The following RAP1GAP variants were observed in gnomAD, a reference collection of about 807,000 sequenced individuals.
RAP1GAP encodes the protein rap1 GTPase-activating protein 1.
In RAP1GAP, 35 loss-of-function variants were observed where a neutral mutation model predicts 87.2. The observed-to-expected ratio is 0.40, with a 90% CI of 0.31 to 0.53. The LOEUF (loss-of-function observed/expected upper bound fraction) is 0.53. RAP1GAP is among the 20% of genes least tolerant of loss of function. The pLI, the probability that RAP1GAP is intolerant of heterozygous loss-of-function variation, is 0.48. For synonymous variants in RAP1GAP, 375 were observed against 363.9 expected (o/e 1.03, Z -0.35); for missense variants, 734 against 898.9 (o/e 0.82, Z 2.35).
intron 7 of RAP1GAP, among the ~76,000 whole-genome samples, chr1:21,616,905 T>C (rs546495532): frequency 2.0e-5 from 3 of 152,342 alleles, no homozygotes; most frequent in African/African-American, 7.2e-5. Flanking sequence ...ACCTTACAGA[T>C]ATCAGCTCAC....
intron 1 of RAP1GAP, among the ~76,000 whole-genome samples, chr1:21,656,311 C>G (rs115077467): frequency 6.6e-6 from 1 of 150,944 alleles, no homozygotes; most frequent in Admixed American, 6.6e-5. Flanking sequence ...CCCAGCTACT[C>G]AGGAGGCTGA....
At position 21,597,675 on chromosome 1, in the gene RAP1GAP, C is replaced by T. The variant is rs766677181; in HGVS notation, c.*34+11G>A. Reference sequence around the variant, plus strand: ...CTCCCACCAAACACAAGCTGAGGGGCTGGGTCTAACCTGCTCAGTTTCACC... The same window carrying T: ...CTCCCACCAAACACAAGCTGAGGGGTTGGGTCTAACCTGCTCAGTTTCACC... On this transcript the variant is annotated intron_variant, in intron 24 of 24. Coordinates refer to ENST00000374765, the MANE Select transcript of RAP1GAP (RefSeq NM_002885.4). 2 of 1,593,404 alleles carry T rather than the reference C, an allele frequency of 1.3e-6. No homozygotes were observed. Among genetic ancestry groups the T allele is most frequent in the Non-Finnish European group, 1.7e-6 (2 of 1,164,632 alleles).
rs2097509384 is a variant in RAP1GAP, at chr1:21,669,347, C to T, written c.-242G>A. On this transcript the variant is annotated 5_prime_UTR_variant, in exon 1 of 25. Coordinates refer to ENST00000374765, the MANE Select transcript of RAP1GAP (RefSeq NM_002885.4). This position sits in a 1 kb window ranked among gnomAD's most constrained non-coding sequence, Gnocchi z 5.6. ...CTCAGATGCGGCCGGCGCTCGCCGC[C>T]GCCGCAGTTCGGGGAGGGGGACGTC... 3 of 1,065,534 alleles carry T rather than the reference C, an allele frequency of 2.8e-6. No homozygotes were observed. Among genetic ancestry groups the T allele is most frequent in the African/African-American group, 1.7e-5 (1 of 57,602 alleles). 66.0% of individuals were successfully genotyped at this position (1,065,534 alleles called of 1,614,324 possible).
In RAP1GAP at chr1:21,609,066, T is replaced by C; in HGVS notation, c.1072-130A>G. ...TCTGCTGGGGCCTGGGGTCACCCTCTTCACTCCCAAAAGGGTATCTCCCTG... is the reference window on the plus strand; with the variant it reads ...TCTGCTGGGGCCTGGGGTCACCCTCCTCACTCCCAAAAGGGTATCTCCCTG... On this transcript the variant is annotated intron_variant, in intron 15 of 24. Coordinates refer to ENST00000374765, the MANE Select transcript of RAP1GAP (RefSeq NM_002885.4). This position sits in a 1 kb window ranked among gnomAD's most constrained non-coding sequence, Gnocchi z 4.4. 1 of 778,012 alleles carries C rather than the reference T, an allele frequency of 1.3e-6. No homozygotes were observed. The highest frequency in any genetic ancestry group is 2.6e-5 in the East Asian group (1 of 38,914). The allele number at this position is 778,012 out of a possible 1,614,324, so 48.2% of individuals were successfully genotyped here. A position where few individuals can be genotyped will look rare whatever the true frequency, so the allele number is the denominator to read the frequency against.
chr1:21,650,231 C>T (rs2096453934), intron 1 of RAP1GAP, among the ~76,000 whole-genome samples: 1 of 152,072 alleles, frequency 6.6e-6, no homozygotes, highest in Non-Finnish European at 1.5e-5. Flanking sequence ...ACCCCCAAGG[C>T]CCGTAGCCTG....
chr1:21,607,272 G>A (rs1002965939), intron 17 of RAP1GAP, among the ~76,000 whole-genome samples: 1 of 152,196 alleles, frequency 6.6e-6, no homozygotes, highest in African/African-American at 2.4e-5. Flanking sequence ...GACAACATTT[G>A]CTGAGGCAGA....
At chr1:21,616,431 G>A (rs2082206229) in intron 7 of RAP1GAP, among the ~76,000 whole-genome samples, 1 of 152,212 alleles carries the variant, frequency 6.6e-6, no homozygotes, top group Non-Finnish European at 1.5e-5. Flanking sequence ...TAGAAGCTTT[G>A]CGTGTACTTT....
At chr1:21,653,594 C>CCTTCTTTCCTTCCTTCCTT (rs1558897559) in intron 1 of RAP1GAP, among the ~76,000 whole-genome samples, 2,347 of 81,150 alleles carry the variant, frequency 0.029, 45 homozygotes, top group Non-Finnish European at 0.043. Context: ...CTTCCTTCCT[C>CCTTCTTTCCTTCCTTCCTT]CCTCCCTCCC....
chr1:21,660,574 T>C (rs1021450748), intron 1 of RAP1GAP, among the ~76,000 whole-genome samples: 1 of 151,456 alleles, frequency 6.6e-6, no homozygotes, highest in Admixed American at 6.6e-5. Context: ...CCTCAAGTGG[T>C]CCTCCCGCCT....
rs373203705 is a variant in RAP1GAP, at chr1:21,611,811, G to A, written c.618C>T (p.Ser206=). 23 of 1,610,688 alleles carry A rather than the reference G, an allele frequency of 1.4e-5. No homozygotes were observed. Among genetic ancestry groups the A allele is most frequent in the South Asian group, 1.2e-4 (11 of 91,016 alleles). Reference sequence around the variant, plus strand: ...CATTGGTGCTGAAGAGTTCTTCCTCGGAGGTCTGGGGATGAGGGGCCAAGG... The same window carrying A: ...CATTGGTGCTGAAGAGTTCTTCCTCAGAGGTCTGGGGATGAGGGGCCAAGG... The part of the protein sequence containing the change: ...GVIYQKLGQT[S]EEELFSTNEE... Residue 206 remains serine (S), a synonymous_variant, in exon 12 of 25, where the codon TCC becomes TCT. Coordinates refer to ENST00000374765, the MANE Select transcript of RAP1GAP (RefSeq NM_002885.4).
At chr1:21,657,690 C>T (rs1558914638) in intron 1 of RAP1GAP, among the ~76,000 whole-genome samples, 2 of 152,222 alleles carry the variant, frequency 1.3e-5, no homozygotes, top group Non-Finnish European at 2.9e-5. Context: ...CTGCTTGAGG[C>T]CCAGAGCTCC....
In RAP1GAP at chr1:21,603,647, G is replaced by A; in HGVS notation, c.1429-734C>T. The A allele has an allele frequency of 1.3e-6, 1 of 767,072 alleles. No homozygotes were observed. The highest frequency in any genetic ancestry group is 2.3e-6 in the Non-Finnish European group (1 of 425,558). The allele number at this position is 767,072 out of a possible 1,614,324, so 47.5% of individuals were successfully genotyped here. A position where few individuals can be genotyped will look rare whatever the true frequency, so the allele number is the denominator to read the frequency against. ...GCCCCTGGTGAGGGGCACTGGCTCTGGCACAGGTACCAGGCCCCAAAGCAG... is the reference window on the plus strand; with the variant it reads ...GCCCCTGGTGAGGGGCACTGGCTCTAGCACAGGTACCAGGCCCCAAAGCAG... On this transcript the variant is annotated intron_variant, in intron 18 of 24. Transcript: ENST00000374765. This position sits in a 1 kb window ranked among gnomAD's most constrained non-coding sequence, Gnocchi z 6.0.
At chr1:21,660,881 G>A (rs2097130826) in intron 1 of RAP1GAP, among the ~76,000 whole-genome samples, 1 of 152,104 alleles carries the variant, frequency 6.6e-6, no homozygotes, top group African/African-American at 2.4e-5. Flanking sequence ...ATTTACCCCA[G>A]GGGTAAATCA....
Position 21,611,822 on chromosome 1 carries a change from G to A in RAP1GAP, c.613-6C>T. 1.2e-6 allele frequency: 2 copies of A among 1,603,436 alleles called. No individual in the cohort carries two copies. The highest frequency in any genetic ancestry group is 1.7e-4 in the Middle Eastern group (1 of 6,028). On this transcript the variant is annotated splice_region_variant and splice_polypyrimidine_tract_variant and intron_variant, in intron 11 of 24. Coordinates refer to ENST00000374765, the MANE Select transcript of RAP1GAP (RefSeq NM_002885.4). The stretch of plus-strand genomic sequence containing the variant: ...AAGAGTTCTTCCTCGGAGGTCTGGG[G>A]ATGAGGGGCCAAGGTCATTGAGCTG...
At chr1:21,651,746 ACGCGCCCCGCCC>A (rs1558884973) in intron 1 of RAP1GAP, 1 of 1,397,748 alleles carries the variant, frequency 7.2e-7, no homozygotes, top group South Asian at 1.3e-5. Context: ...ACACGCGCGC[ACGCGCCCCGCCC>A]CGCGCCGCGC....
In RAP1GAP at chr1:21,602,826, T is replaced by C. The variant is rs1392062838; in HGVS notation, c.1516A>G (p.Ile506Val). Residue 506 changes from isoleucine (I) to valine (V), a missense_variant, in exon 19 of 25, where the codon ATA (isoleucine) becomes GTA (valine). Physicochemically the swap from Ile to Val is conservative, Grantham distance 29 (BLOSUM62 3). Transcript: ENST00000374765. ...RRSSAIGIENIQEVQEKRESP... is the reference protein window; with the variant it reads ...RRSSAIGIENVQEVQEKRESP... The stretch of plus-strand genomic sequence containing the variant: ...CACCTCTTCTCCTGCACCTCCTGTA[T>C]GTTCTCGATGCCAATGGCGCTGCTG... 7 of 1,609,752 alleles carry C rather than the reference T, an allele frequency of 4.3e-6. No individual in the cohort carries two copies. The Admixed American group carries it at 8.3e-5, about 19-fold the overall frequency.
intron 1 of RAP1GAP, among the ~76,000 whole-genome samples, chr1:21,661,817 T>G (rs1166579946): frequency 6.6e-6 from 1 of 152,254 alleles, no homozygotes; most frequent in East Asian, 1.9e-4. Flanking sequence ...GCTCACAATG[T>G]GACTGTGGGC....
chr1:21,651,677 G>T (rs2152001924), intron 1 of RAP1GAP: 1 of 1,208,290 alleles, frequency 8.3e-7, no homozygotes, highest in Non-Finnish European at 1.2e-6. Context: ...CATAGCCCAG[G>T]CCCACCCGCC....
intron 19 of RAP1GAP, among the ~76,000 whole-genome samples, chr1:21,602,287 G>A (rs535158620): frequency 6.6e-6 from 1 of 152,344 alleles, no homozygotes; most frequent in South Asian, 2.1e-4. Flanking sequence ...GGGACAGTAA[G>A]GCTCAGAGGA....
Sources: allele counts gnomAD v4.1 joint callset (sites outside exome capture counted in the v4.1 genomes callset), GRCh38; gene constraint gnomAD v4.1.1; non-coding constraint Gnocchi (gnomAD v3.1); transcripts MANE v1.5; gene names NCBI Gene and HGNC (gene_info 2026-07-23, HGNC 2026-07-21).